The following CRTC3 variants were observed in gnomAD, a reference collection of about 807,000 sequenced individuals.
The protein encoded by CRTC3 is CREB-regulated transcription coactivator 3.
A neutral mutation model predicts 74.5 loss-of-function variants in CRTC3; 26 were observed. The ratio of observed to expected loss-of-function variants is 0.35; its 90% CI spans 0.26 to 0.48. CRTC3 has a LOEUF of 0.48. Among genes scored for constraint, CRTC3 ranks in the 20% least tolerant of loss-of-function variants. The probability of loss-of-function intolerance (pLI) is 0.99; values close to 1 mark genes in which losing one functional copy is unlikely to be tolerated. For missense variants in CRTC3, 760 were observed against 787.3 expected (o/e 0.97, Z 0.41); for synonymous variants, 377 against 325.8 (o/e 1.16, Z -1.69).
intron 1 of CRTC3, among the ~76,000 whole-genome samples, chr15:90,538,701 T>C (rs758737385): frequency 1.3e-4 from 19 of 151,894 alleles, no homozygotes; most frequent in Admixed American, 3.9e-4. Context: ...AAATCTTTCA[T>C]AATAAATGTA....
At position 90,617,933 on chromosome 15, in the gene CRTC3, A is replaced by C. The variant is rs1239082643; in HGVS notation, c.664A>C (p.Lys222Gln). ...LKEENLLNVP[K>Q]PLPKQLWETK... is the part of the protein sequence containing the mutation. ...AGAAGAGAATCTGTTAAATGTTCCG[A>C]AGCCACTGCCAAAACAACTGTGGGA... is the stretch of plus-strand genomic sequence containing the variant. The change falls in exon 8 of 15, where the codon AAG (lysine) becomes CAG (glutamine). Residue 222 changes from lysine (K) to glutamine (Q), a missense_variant. This residue lies in a region of CRTC3 where 652 missense variants were observed against 635.2 expected (regional missense o/e 1.03). Coordinates refer to ENST00000268184, the MANE Select transcript of CRTC3 (RefSeq NM_022769.5). 1.9e-6 allele frequency: 3 copies of C among 1,613,048 alleles called. No homozygotes were observed. The highest frequency in any genetic ancestry group is 1.7e-6 in the Non-Finnish European group (2 of 1,179,216).
intron 2 of CRTC3, among the ~76,000 whole-genome samples, chr15:90,544,707 G>C (rs745879590): frequency 1.3e-5 from 2 of 152,198 alleles, no homozygotes; most frequent in Non-Finnish European, 2.9e-5. Context: ...TCGCCAAGCT[G>C]TTCTCCAAAG....
In CRTC3 at chr15:90,641,097, G is replaced by A; in HGVS notation, c.1549G>A (p.Val517Met). 10 of 1,610,066 alleles carry A rather than the reference G, an allele frequency of 6.2e-6. No homozygotes were observed. Among genetic ancestry groups the A allele is most frequent in the Non-Finnish European group, 8.5e-6 (10 of 1,176,474 alleles). Reference protein sequence around the residue: ...MRPGPAFPQQVPLVQQGSREL... With the variant: ...MRPGPAFPQQMPLVQQGSREL... ...CTCACATGACCTTCGATGCTTCCAG[G>A]TGCCTCTGGTGCAACAAGGTTCCCG... The change falls in exon 14 of 15, where the codon GTG becomes ATG. Residue 517 changes from valine (V) to methionine (M), a missense_variant and splice_region_variant. Physicochemically the swap from Val to Met is conservative, Grantham distance 21. Transcript: ENST00000268184.
At chr15:90,536,509 C>T (rs1316918842) in intron 1 of CRTC3, among the ~76,000 whole-genome samples, 1 of 145,214 alleles carries the variant, frequency 6.9e-6, no homozygotes, top group Non-Finnish European at 1.5e-5. Context: ...AAAAAAATTG[C>T]TCTGACTATT....
chr15:90,560,269 T>C (rs537901771), intron 2 of CRTC3, among the ~76,000 whole-genome samples: 221 of 152,364 alleles, frequency 1.5e-3, no homozygotes, highest in Non-Finnish European at 2.7e-3. Flanking sequence ...CTCTAAATCC[T>C]GACTTCCAGT....
At chr15:90,589,027 G>C (rs890718153) in intron 2 of CRTC3, among the ~76,000 whole-genome samples, 1 of 151,936 alleles carries the variant, frequency 6.6e-6, no homozygotes, top group Non-Finnish European at 1.5e-5. Context: ...TGTGTTTTTG[G>C]GGTTTTGTTG....
chr15:90,533,901 C>CA (rs1359741341), intron 1 of CRTC3, among the ~76,000 whole-genome samples: 1 of 151,824 alleles, frequency 6.6e-6, no homozygotes, highest in Non-Finnish European at 1.5e-5. Flanking sequence ...GAATATGTTG[C>CA]AGGTACAGAG....
intron 2 of CRTC3, among the ~76,000 whole-genome samples, chr15:90,552,624 C>T (rs1966862650): frequency 6.6e-6 from 1 of 152,114 alleles, no homozygotes; most frequent in South Asian, 2.1e-4. Context: ...CTGGTTCTGC[C>T]ACTCTTTTAA....
chr15:90,621,996 C>T (rs1406718504), intron 9 of CRTC3, among the ~76,000 whole-genome samples: 1 of 152,112 alleles, frequency 6.6e-6, no homozygotes, highest in African/African-American at 2.4e-5. Context: ...GGTAAATGCA[C>T]TGAAGGAGAC....
At chr15:90,589,940 T>C (rs1282197200) in intron 2 of CRTC3, among the ~76,000 whole-genome samples, 3 of 151,958 alleles carry the variant, frequency 2.0e-5, no homozygotes, top group East Asian at 1.9e-4. Context: ...TGAGCCAAGA[T>C]TGCACCACAC....
At chr15:90,611,189 G>C (rs1195454157) in intron 6 of CRTC3, among the ~76,000 whole-genome samples, 1 of 152,140 alleles carries the variant, frequency 6.6e-6, no homozygotes, top group African/African-American at 2.4e-5. Flanking sequence ...AAACACCAGA[G>C]GCCTCCTTTA....
chr15:90,562,992 C>G (rs775335581), intron 2 of CRTC3, among the ~76,000 whole-genome samples: 1 of 152,342 alleles, frequency 6.6e-6, no homozygotes, highest in East Asian at 1.9e-4. Flanking sequence ...GTATCTCTTA[C>G]TCTGCCATCT....
intron 5 of CRTC3, 38 bp from the exon 6 acceptor site, chr15:90,607,340 A>G: frequency 7.9e-7 from 1 of 1,268,220 alleles, no homozygotes; most frequent in Non-Finnish European, 1.1e-6. Flanking sequence ...CACTAAGGAA[A>G]ACGGATTTTC....
At chr15:90,564,782 A>G (rs1004699438) in intron 2 of CRTC3, among the ~76,000 whole-genome samples, 3 of 152,254 alleles carry the variant, frequency 2.0e-5, no homozygotes, top group Admixed American at 1.3e-4. Context: ...GCAATGACAC[A>G]TAGATTAAAA....
intron 1 of CRTC3, among the ~76,000 whole-genome samples, chr15:90,538,748 A>G (rs1966758412): frequency 3.4e-5 from 5 of 148,798 alleles, no homozygotes. Flanking sequence ...AGGTTCAACA[A>G]TGCTTTTGGT....
At chr15:90,568,201 T>A (rs986866118) in intron 2 of CRTC3, among the ~76,000 whole-genome samples, 1 of 152,184 alleles carries the variant, frequency 6.6e-6, no homozygotes, top group Non-Finnish European at 1.5e-5. Context: ...CTTGAATGGA[T>A]GAGGAATTGC....
At position 90,643,416 on chromosome 15, in the gene CRTC3, G is replaced by A. The variant is rs1189851020; in HGVS notation, c.*1276G>A. On this transcript the variant is annotated 3_prime_UTR_variant, in exon 15 of 15. Coordinates refer to ENST00000268184, the MANE Select transcript of CRTC3 (RefSeq NM_022769.5). ...TTCTCCTTGGGCTGTGCTCCACGCG[G>A]GTGGGTGGGAGCTGTCTTCTGAGTA... 2 of 229,114 alleles carry A rather than the reference G, an allele frequency of 8.7e-6. No individual in the cohort carries two copies. Among genetic ancestry groups the A allele is most frequent in the East Asian group, 6.2e-5 (1 of 16,102 alleles). The allele number at this position is 229,114 out of a possible 1,614,324, so 14.2% of individuals were successfully genotyped here.
Position 90,642,523 on chromosome 15 carries a change from C to T in CRTC3, c.*383C>T, listed in dbSNP as rs971608033. On this transcript the variant is annotated 3_prime_UTR_variant, in exon 15 of 15. Transcript: ENST00000268184. ...GTGCTCAGAACCACTGATCTCCGTC[C>T]GCACCGAAGGCGGGCCCGGAGTGGG... The T allele has an allele frequency of 9.2e-5, 30 of 325,398 alleles. No individual in the cohort carries two copies. In the East Asian group the frequency reaches 9.4e-4, roughly 10 times the overall value. The allele number at this position is 325,398 out of a possible 1,614,324, so 20.2% of individuals were successfully genotyped here.
chr15:90,602,114 A>C (rs1330701610), intron 3 of CRTC3, among the ~76,000 whole-genome samples: 1 of 152,152 alleles, frequency 6.6e-6, no homozygotes, highest in African/African-American at 2.4e-5. Context: ...TAAACACCCC[A>C]CAAAAAATCA....
Sources: allele counts gnomAD v4.1 joint callset (sites outside exome capture counted in the v4.1 genomes callset), GRCh38; gene constraint gnomAD v4.1.1; regional missense constraint gnomAD v4.1.1; transcripts MANE v1.5; gene names NCBI Gene and HGNC (gene_info 2026-07-23, HGNC 2026-07-21).